The following ADAM29 variants were observed in gnomAD, a reference collection of about 807,000 sequenced individuals.
The protein encoded by ADAM29 is ADAM metallopeptidase domain 29.
For missense variants in ADAM29, 969 were observed against 1,001.8 expected, an observed-to-expected ratio of 0.97 and a Z score of 0.44; for synonymous variants, 367 against 342.3, an observed-to-expected ratio of 1.07 and a Z score of -0.80.
chr4:174,943,100 C>A (rs1272213219), intron 4 of ADAM29, among the ~76,000 whole-genome samples: 2 of 152,168 alleles, frequency 1.3e-5, no homozygotes, highest in Non-Finnish European at 2.9e-5. Flanking sequence ...TGCTCCAGTT[C>A]CCAATCAATT....
At chr4:174,965,665 C>T (rs189988358) in intron 4 of ADAM29, among the ~76,000 whole-genome samples, 3 of 152,084 alleles carry the variant, frequency 2.0e-5, no homozygotes, top group South Asian at 2.1e-4. Flanking sequence ...CTGATGAGAG[C>T]CCTCTTTTGC....
intron 4 of ADAM29, among the ~76,000 whole-genome samples, chr4:174,955,535 T>C (rs1204620538): frequency 6.6e-6 from 1 of 151,988 alleles, no homozygotes; most frequent in Admixed American, 6.6e-5. Flanking sequence ...TAAGCATTCT[T>C]AAATTATTAG....
At chr4:174,964,718 C>T (rs752282783) in intron 4 of ADAM29, among the ~76,000 whole-genome samples, 20 of 151,576 alleles carry the variant, frequency 1.3e-4, no homozygotes, top group Non-Finnish European at 2.2e-4. Flanking sequence ...ATGCAGTGGC[C>T]GGATAAATTA....
chr4:174,919,971 A>G (rs1743076801), intron 1 of ADAM29, among the ~76,000 whole-genome samples: 1 of 152,190 alleles, frequency 6.6e-6, no homozygotes, highest in Admixed American at 6.5e-5. Context: ...ACAATACTGT[A>G]TCACTTAACC....
intron 4 of ADAM29, among the ~76,000 whole-genome samples, chr4:174,946,760 T>C (rs1290586718): frequency 6.6e-6 from 1 of 152,178 alleles, no homozygotes; most frequent in East Asian, 1.9e-4. Flanking sequence ...GCTGGCCTCA[T>C]AGAATGAGTT....
intron 4 of ADAM29, among the ~76,000 whole-genome samples, chr4:174,945,045 G>A (rs924716718): frequency 1.4e-4 from 22 of 151,992 alleles, no homozygotes; most frequent in African/African-American, 5.3e-4. Flanking sequence ...ATACCCAATA[G>A]GATTGCTGGA....
chr4:174,939,055 C>A (rs1436802211), intron 4 of ADAM29, among the ~76,000 whole-genome samples: 7 of 152,042 alleles, frequency 4.6e-5, no homozygotes, highest in Non-Finnish European at 8.8e-5. Flanking sequence ...TTAGGGCACA[C>A]AATAATCCAG....
intron 2 of ADAM29, among the ~76,000 whole-genome samples, chr4:174,929,052 T>C (rs898922032): frequency 2.0e-5 from 3 of 152,206 alleles, no homozygotes; most frequent in African/African-American, 7.2e-5. Flanking sequence ...AAGGCTGCCT[T>C]GGTCAGTGCC....
intron 4 of ADAM29, among the ~76,000 whole-genome samples, chr4:174,971,245 C>G (rs1560891884): frequency 6.6e-6 from 1 of 152,118 alleles, no homozygotes; most frequent in Non-Finnish European, 1.5e-5. Flanking sequence ...GTCATTTATA[C>G]ACCACTATTG....
intron 2 of ADAM29, among the ~76,000 whole-genome samples, chr4:174,925,650 T>A (rs1743475006): frequency 6.6e-6 from 1 of 152,204 alleles, no homozygotes; most frequent in African/African-American, 2.4e-5. Context: ...AGAGTCTTGA[T>A]AACTCTTATA....
intron 4 of ADAM29, among the ~76,000 whole-genome samples, chr4:174,961,747 G>C (rs1745834185): frequency 6.6e-6 from 1 of 152,022 alleles, no homozygotes; most frequent in Non-Finnish European, 1.5e-5. Context: ...TATGCTAACA[G>C]CAATTCTTTC....
intron 4 of ADAM29, among the ~76,000 whole-genome samples, chr4:174,971,098 G>C (rs1343750299): frequency 3.3e-5 from 5 of 151,566 alleles, no homozygotes; most frequent in African/African-American, 9.7e-5. Flanking sequence ...TAATACTTTT[G>C]TCTTTTGACT....
At chr4:174,938,871 C>T (rs191700731) in intron 4 of ADAM29, among the ~76,000 whole-genome samples, 6 of 152,212 alleles carry the variant, frequency 3.9e-5, no homozygotes, top group Admixed American at 1.3e-4. Flanking sequence ...GACTCTGGGG[C>T]AGAATTCTTC....
In ADAM29 at chr4:174,976,099, G is replaced by T; in HGVS notation, c.574G>T (p.Gly192Cys). The T allele has an allele frequency of 6.2e-7, 1 of 1,612,640 alleles. No homozygotes were observed. Among genetic ancestry groups the T allele is most frequent in the South Asian group, 1.1e-5 (1 of 90,836 alleles). The change falls in exon 5 of 5, where the codon GGC becomes TGC. Residue 192 changes from glycine to cysteine, a missense_variant. Transcript: ENST00000359240. ...NSTQKQSSYV[G>C]WWIHFRIVEI... is the part of the protein sequence containing the mutation. ...CACTCAGAAGCAAAGTTCTTATGTG[G>T]GCTGGTGGATCCATTTTAGGATTGT...
chr4:174,967,667 A>G (rs1453117985), intron 4 of ADAM29, among the ~76,000 whole-genome samples: 1 of 152,218 alleles, frequency 6.6e-6, no homozygotes, highest in Non-Finnish European at 1.5e-5. Context: ...TAACTAGTGC[A>G]ATTTATTTGC....
At chr4:174,960,720 G>C (rs753147364) in intron 4 of ADAM29, among the ~76,000 whole-genome samples, 1 of 152,118 alleles carries the variant, frequency 6.6e-6, no homozygotes, top group Non-Finnish European at 1.5e-5. Context: ...CTGTTATTAA[G>C]TGTAAACATA....
intron 4 of ADAM29, among the ~76,000 whole-genome samples, chr4:174,943,043 G>A (rs561963104): frequency 2.0e-4 from 31 of 152,270 alleles, no homozygotes; most frequent in Non-Finnish European, 4.4e-5. Context: ...TAGGCCAGGA[G>A]AAAAATGTTG....
intron 4 of ADAM29, among the ~76,000 whole-genome samples, chr4:174,950,124 A>G (rs1057147877): frequency 3.9e-5 from 6 of 152,146 alleles, no homozygotes; most frequent in African/African-American, 9.7e-5. Flanking sequence ...AAAAGTATTG[A>G]TTTTACCAGG....
Position 174,976,481 on chromosome 4 carries a change from T to G in ADAM29, c.956T>G (p.Met319Arg), listed in dbSNP as rs1746806960. 6.2e-7 allele frequency: 1 copy of G among 1,611,502 alleles called. No homozygotes were observed. Among genetic ancestry groups the G allele is most frequent in the African/African-American group, 1.3e-5 (1 of 74,896 alleles). Residue 319 changes from methionine to arginine, a missense_variant, in exon 5 of 5, where the codon ATG (methionine) becomes AGG (arginine). Transcript: ENST00000359240. ...CGTAGTTGTGCAATTGTTACTTTCA[T>G]GAACAAAACTTTGGGCACTTTTTCA... ...PHRSCAIVTF[M>R]NKTLGTFSIA...
Sources: allele counts gnomAD v4.1 joint callset (sites outside exome capture counted in the v4.1 genomes callset), GRCh38; gene constraint gnomAD v4.1.1; transcripts MANE v1.5; gene names NCBI Gene and HGNC (gene_info 2026-07-23, HGNC 2026-07-21).